Variants in USP54 observed in about 807,000 individuals in gnomAD.
The protein encoded by USP54 is ubiquitin specific peptidase 54, also known as ubiquitin carboxyl-terminal hydrolase 54.
A neutral mutation model predicts 170.5 loss-of-function variants in USP54; 87 were observed. The ratio of observed to expected loss-of-function variants is 0.51; its 90% confidence interval spans 0.43 to 0.61. USP54 has a LOEUF of 0.61. Among genes scored for constraint, USP54 ranks in the 20% least tolerant of loss-of-function variants. The probability of loss-of-function intolerance (pLI) is 0.00; values close to 1 mark genes in which losing one functional copy is unlikely to be tolerated. For missense variants in USP54, 1,786 were observed against 2,047.8 expected (o/e 0.87, Z 2.47); for synonymous variants, 655 against 742.8 (o/e 0.88, Z 1.92).
chr10:73,581,437 A>G (rs576308200), intron 1 of USP54, among the ~76,000 whole-genome samples: 51 of 152,334 alleles, frequency 3.3e-4, no homozygotes, highest in African/African-American at 1.2e-3. Flanking sequence ...ACCTTTTTGC[A>G]GTGCCTCACA....
chr10:73,498,694 C>A lies in USP54; in HGVS notation c.4990G>T (p.Val1664Phe), dbSNP rs767717806. 28 of 1,605,778 alleles carry A rather than the reference C, an allele frequency of 1.7e-5. No homozygotes were observed. The Admixed American group carries it at 4.6e-4, about 26-fold the overall frequency. Residue 1664 changes from valine (V) to phenylalanine (F), a missense_variant, in exon 24 of 24, where the codon GTT becomes TTT. By Grantham distance (50) the Val-to-Phe change is conservative. This residue lies in a region of USP54 where 1,418 missense variants were observed against 1,569.0 expected (regional missense o/e 0.90). Transcript: ENST00000687698. ...TCTCTTCTGGGAGCATCTGATAGAA[C>A]AAACAGAAACCCCTCTCCCACTGTT... ...RRTVGEGFLF[V>F]LSDAPRREQI...
At chr10:73,552,049 C>T (rs1274153581) in intron 4 of USP54, among the ~76,000 whole-genome samples, 1 of 152,088 alleles carries the variant, frequency 6.6e-6, no homozygotes, top group Non-Finnish European at 1.5e-5. Context: ...AGACAGGGCT[C>T]CACTCAGAGA....
rs557300029 is a variant in USP54, at chr10:73,530,342, T to A, written c.1629A>T (p.Lys543Asn). ...RGRGGDQPDK[K>N]PPRTLPLHSR... ...AGTGTAAAGGCAGGGTCCTAGGAGG[T>A]TTTTTGTCAGGCTGGTCTCCTCCTC... Residue 543 changes from lysine to asparagine, a missense_variant, in exon 14 of 24, where the codon AAA (lysine) becomes AAT (asparagine). Transcript: ENST00000687698. 6.2e-6 allele frequency: 10 copies of A among 1,613,826 alleles called. No individual in the cohort carries two copies. In the African/African-American group the frequency reaches 6.7e-5, roughly 11 times the overall value.
At chr10:73,587,309 T>A (rs1252763293) in intron 1 of USP54, among the ~76,000 whole-genome samples, 9 of 151,834 alleles carry the variant, frequency 5.9e-5, no homozygotes, top group Admixed American at 5.9e-4. Flanking sequence ...CCGTCTCTAC[T>A]AAAAAACACA....
Position 73,498,898 on chromosome 10 carries a change from G to T in USP54, c.4786C>A (p.His1596Asn), listed in dbSNP as rs762877137. 8 of 1,613,902 alleles carry T rather than the reference G, an allele frequency of 5.0e-6. No individual in the cohort carries two copies. The highest frequency in any genetic ancestry group is 1.7e-6 in the Non-Finnish European group (2 of 1,179,966). ...TACACAGGATGAACAATGGGAGGGT[G>T]GGAGGGTGAATGGAAAAGATCACTC... The part of the protein sequence containing the change: ...SWSDLFHSPS[H>N]PPIVHPVYPP... The change falls in exon 24 of 24, where the codon CAC becomes AAC. Residue 1596 changes from histidine to asparagine, a missense_variant. Transcript: ENST00000687698.
chr10:73,566,848 A>G (rs994482474), intron 4 of USP54, among the ~76,000 whole-genome samples: 6 of 152,128 alleles, frequency 3.9e-5, no homozygotes, highest in African/African-American at 1.4e-4. Context: ...AGGAGAATGT[A>G]CATGGTACTG....
chr10:73,520,893 G>GTT lies in USP54; in HGVS notation c.2482+13_2482+14dup. On this transcript the variant is annotated intron_variant, in intron 18 of 23. Transcript: ENST00000687698. ...AGTCAAAAGTGCCACAGCCATAGCA[G>GTT]TTAGAGTTACTTACAGATAGCTTCA... is the stretch of plus-strand genomic sequence containing the variant. 6.2e-7 allele frequency: 1 copy of GTT among 1,614,060 alleles called. No homozygotes were observed. Among genetic ancestry groups the GTT allele is most frequent in the Non-Finnish European group, 8.5e-7 (1 of 1,180,018 alleles).
intron 1 of USP54, among the ~76,000 whole-genome samples, chr10:73,582,644 G>A (rs2077030451): frequency 6.6e-6 from 1 of 152,122 alleles, no homozygotes; most frequent in South Asian, 2.1e-4. Flanking sequence ...ACCCACCTCG[G>A]CCTCCCAAAG....
intron 22 of USP54, 124 bp from the exon 23 acceptor site, chr10:73,500,962 A>C: frequency 9.4e-7 from 1 of 1,060,118 alleles, no homozygotes; most frequent in South Asian, 1.7e-5. Context: ...ACATGCCTAC[A>C]TGCCTTGTTC....
intron 17 of USP54, among the ~76,000 whole-genome samples, chr10:73,522,520 T>A (rs981894867): frequency 6.6e-6 from 1 of 152,044 alleles, no homozygotes; most frequent in Non-Finnish European, 1.5e-5. Flanking sequence ...ATTGCCCAAC[T>A]GGCAGAGAGA....
intron 1 of USP54, among the ~76,000 whole-genome samples, chr10:73,613,685 C>CTGGTCAACA (rs2080353714): frequency 6.6e-6 from 1 of 151,064 alleles, no homozygotes; most frequent in African/African-American, 2.4e-5. Context: ...TAAGACCACC[C>CTGGTCAACA]TGGTCAACAT....
At chr10:73,575,362 C>T (rs1279309975) in intron 3 of USP54, 150 bp downstream of exon 3, 1 of 896,082 alleles carries the variant, frequency 1.1e-6, no homozygotes. Context: ...AAGTGACTTG[C>T]CAAAGATCAC....
intron 1 of USP54, among the ~76,000 whole-genome samples, chr10:73,600,027 G>A (rs1180857711): frequency 1.3e-5 from 2 of 150,164 alleles, no homozygotes; most frequent in Non-Finnish European, 2.9e-5. Context: ...TCAACCTCCC[G>A]AGTTGCTGGG....
intron 1 of USP54, among the ~76,000 whole-genome samples, chr10:73,613,583 G>A (rs2080344868): frequency 6.6e-6 from 1 of 151,910 alleles, no homozygotes; most frequent in African/African-American, 2.4e-5. Flanking sequence ...TTAGAAATAT[G>A]ACTATCTTGA....
chr10:73,608,491 A>G (rs1306229421), intron 1 of USP54, among the ~76,000 whole-genome samples: 1 of 152,216 alleles, frequency 6.6e-6, no homozygotes, highest in Non-Finnish European at 1.5e-5. Flanking sequence ...TAGAGTCCCT[A>G]TAACATTATG....
At chr10:73,574,647 C>G (rs2075819658) in intron 3 of USP54, among the ~76,000 whole-genome samples, 1 of 151,880 alleles carries the variant, frequency 6.6e-6, no homozygotes. Context: ...TGTGGTGATG[C>G]ACACCTATAA....
Position 73,542,896 on chromosome 10 carries a change from G to A in USP54, c.490-11C>T, listed in dbSNP as rs2066927919. ...GCTAGTACATACACACTGGGCAAAA[G>A]AGAAAAAGGCAAAACCAAGCAACCA... On this transcript the variant is annotated splice_polypyrimidine_tract_variant and intron_variant, in intron 6 of 23. Transcript: ENST00000687698. 1.2e-6 allele frequency: 2 copies of A among 1,614,074 alleles called. No individual in the cohort carries two copies. The highest frequency in any genetic ancestry group is 1.7e-6 in the Non-Finnish European group (2 of 1,179,988).
chr10:73,570,056 C>T (rs2074821204), intron 4 of USP54, among the ~76,000 whole-genome samples: 1 of 150,360 alleles, frequency 6.7e-6, no homozygotes, highest in Non-Finnish European at 1.5e-5. Context: ...GATGTAAAAG[C>T]AACTATTATA....
At chr10:73,617,698 G>A (rs1424972967) in intron 1 of USP54, among the ~76,000 whole-genome samples, 7 of 149,468 alleles carry the variant, frequency 4.7e-5, no homozygotes, top group Non-Finnish European at 8.8e-5. Context: ...TTCTCTTCCT[G>A]GTTCCTAGCA....
Sources: gnomAD v4.1 joint callset for allele counts (sites outside exome capture counted in the v4.1 genomes callset) on GRCh38, gnomAD v4.1.1 for gene constraint, gnomAD v4.1.1 regional missense constraint, MANE v1.5 for transcripts, NCBI Gene and HGNC (gene_info 2026-07-23, HGNC 2026-07-21) for gene names.